Variants in DRC9 observed in about 807,000 individuals in gnomAD.
DRC9 encodes the protein dynein regulatory complex subunit 9, also known as dynein regulatory complex protein 9.
the DRC9 span, chr3:197,950,066 T>A: frequency 9.0e-7 from 1 of 1,108,856 alleles, no homozygotes; most frequent in Non-Finnish European, 1.1e-6. Context: ...CTATTGAATG[T>A]GGCTTATTTC....
chr3:197,892,315 A>G, the DRC9 span, among the ~76,000 whole-genome samples: 3 of 152,248 alleles, frequency 2.0e-5, no homozygotes, highest in South Asian at 2.1e-4. Context: ...TAATCACAGT[A>G]TCTGTCTCAA....
At chr3:197,910,243 T>C in the DRC9 span, among the ~76,000 whole-genome samples, 1,342 of 152,108 alleles carry the variant, frequency 8.8e-3, 6 homozygotes, top group Middle Eastern at 0.017. Context: ...GAGGCTGCAG[T>C]GAGCTATGGT....
chr3:197,934,338 C>A, the DRC9 span, among the ~76,000 whole-genome samples: 15 of 152,002 alleles, frequency 9.9e-5, no homozygotes, highest in African/African-American at 3.6e-4. Context: ...GCACGTGCCA[C>A]CACACCCAGC....
chr3:197,941,705 C>T, the DRC9 span, among the ~76,000 whole-genome samples: 5 of 150,692 alleles, frequency 3.3e-5, no homozygotes, highest in Non-Finnish European at 4.4e-5. Context: ...GGACTACAGG[C>T]GTACGCCACA....
chr3:197,928,320 A>G, the DRC9 span, among the ~76,000 whole-genome samples: 2 of 147,952 alleles, frequency 1.4e-5, no homozygotes, highest in African/African-American at 5.0e-5. Context: ...AGGTGAACAC[A>G]TGCATTTATT....
the DRC9 span, among the ~76,000 whole-genome samples, chr3:197,898,723 C>T: frequency 1.3e-5 from 2 of 152,134 alleles, no homozygotes; most frequent in African/African-American, 4.8e-5. Flanking sequence ...TGTGAGAACT[C>T]ACTCACTATC....
At chr3:197,913,846 T>C in the DRC9 span, 1 of 1,604,988 alleles carries the variant, frequency 6.2e-7, no homozygotes, top group South Asian at 1.1e-5. Context: ...TCAATTGCCA[T>C]CTCCTGGGTT....
At chr3:197,943,522 C>T in the DRC9 span, among the ~76,000 whole-genome samples, 3 of 151,494 alleles carry the variant, frequency 2.0e-5, no homozygotes, top group Non-Finnish European at 4.4e-5. Flanking sequence ...GCCTGTAGTC[C>T]CAGCTACCCA....
chr3:197,894,871 C>T, the DRC9 span, among the ~76,000 whole-genome samples: 11 of 152,094 alleles, frequency 7.2e-5, no homozygotes, highest in African/African-American at 2.4e-4. Flanking sequence ...TGAGGCCACC[C>T]TGAGCAACAT....
chr3:197,899,012 T>C, the DRC9 span, among the ~76,000 whole-genome samples: 5 of 152,152 alleles, frequency 3.3e-5, no homozygotes, highest in African/African-American at 1.2e-4. Flanking sequence ...AAAAAAACTA[T>C]AGGGCATAGC....
the DRC9 span, among the ~76,000 whole-genome samples, chr3:197,918,527 C>T: frequency 4.6e-5 from 7 of 152,172 alleles, no homozygotes; most frequent in African/African-American, 1.7e-4. Flanking sequence ...CCTTATATAT[C>T]ACTCAAGTAA....
the DRC9 span, among the ~76,000 whole-genome samples, chr3:197,898,314 C>G: frequency 6.6e-6 from 1 of 152,180 alleles, no homozygotes; most frequent in Non-Finnish European, 1.5e-5. Context: ...CATTATATAT[C>G]AGATCCTGTA....
chr3:197,899,900 T>C, the DRC9 span, among the ~76,000 whole-genome samples: 245 of 152,336 alleles, frequency 1.6e-3, no homozygotes, highest in Non-Finnish European at 2.7e-3. Flanking sequence ...TTTGAATTGC[T>C]GACGACACTC....
the DRC9 span, chr3:197,956,972 G>T: frequency 6.6e-6 from 1 of 152,136 alleles, no homozygotes. Flanking sequence ...CAAGAAACTG[G>T]GAGTTTGCCA....
At chr3:197,924,606 G>A in the DRC9 span, among the ~76,000 whole-genome samples, 2 of 151,858 alleles carry the variant, frequency 1.3e-5, no homozygotes, top group East Asian at 1.9e-4. Flanking sequence ...TGCAACCTCC[G>A]CCTCCCAGGT....
chr3:197,897,937 A>ATTTTTT, the DRC9 span, among the ~76,000 whole-genome samples: 4 of 133,074 alleles, frequency 3.0e-5, no homozygotes, highest in African/African-American at 5.9e-5. Flanking sequence ...CGCCCAGCTA[A>ATTTTTT]TTTTTTTTTT....
the DRC9 span, among the ~76,000 whole-genome samples, chr3:197,937,662 TAG>T: frequency 2.6e-5 from 4 of 152,062 alleles, no homozygotes; most frequent in Admixed American, 2.6e-4. Flanking sequence ...GTATTTTTAG[TAG>T]AGACAGGGTT....
At chr3:197,931,081 A>G in the DRC9 span, among the ~76,000 whole-genome samples, 1 of 152,114 alleles carries the variant, frequency 6.6e-6, no homozygotes, top group East Asian at 1.9e-4. Context: ...GTTGGAAGAC[A>G]AAGTTAAGGA....
chr3:197,912,077 G>T, the DRC9 span, among the ~76,000 whole-genome samples: 16 of 151,816 alleles, frequency 1.1e-4, no homozygotes, highest in Non-Finnish European at 1.9e-4. Context: ...GTCTCGCTCT[G>T]TTGCCTAGGC....
Sources: allele counts gnomAD v4.1 joint callset (sites outside exome capture counted in the v4.1 genomes callset), GRCh38; gene constraint gnomAD v4.1.1; transcripts MANE v1.5; gene names NCBI Gene and HGNC (gene_info 2026-07-23, HGNC 2026-07-21).